Variants in TCFL5 observed in about 807,000 individuals in gnomAD.
TCFL5 encodes transcription factor like 5, also known as transcription factor-like 5 protein.
A neutral mutation model predicts 44.3 loss-of-function variants in TCFL5; 9 were observed. That is an observed-to-expected ratio of 0.20 (90% CI 0.12 to 0.35). The LOEUF is 0.35. TCFL5 is among the 10% of genes least tolerant of loss of function. The probability of loss-of-function intolerance (pLI) is 1.00; values close to 1 mark genes in which losing one functional copy is unlikely to be tolerated. For missense variants in TCFL5, 603 were observed against 613.4 expected (o/e 0.98, Z 0.18); for synonymous variants, 319 against 271.6 (o/e 1.17, Z -1.72).
chr20:62,861,358 C>A lies in TCFL5; in HGVS notation c.313G>T (p.Val105Leu), dbSNP rs748056548. 4 of 1,066,244 alleles carry A rather than the reference C, an allele frequency of 3.8e-6. No individual in the cohort carries two copies. The highest frequency in any genetic ancestry group is 4.1e-5 in the South Asian group (1 of 24,612). 66.0% of individuals were successfully genotyped at this position (1,066,244 alleles called of 1,614,324 possible). A position where few individuals can be genotyped will look rare whatever the true frequency, so the allele number is the denominator to read the frequency against. Residue 105 changes from valine to leucine, a missense_variant, in exon 1 of 6, where the codon GTG becomes TTG. Around this residue, in one of 4 missense-constraint regions of TCFL5, gnomAD observed 540 missense variants for 478.7 expected, o/e 1.13. Coordinates refer to ENST00000335351, the MANE Select transcript of TCFL5 (RefSeq NM_006602.4). This position sits in a 1 kb window ranked among gnomAD's most constrained non-coding sequence, Gnocchi z 4.0. ...AAGGQGGAAP[V>L]YPVLCPSALA... ...GCGGACGGGCACAGCACGGGGTACA[C>A]GGGCGCCGCGCCCCCCTGACCGCCC...
chr20:62,861,007 G>A lies in TCFL5; in HGVS notation c.647+17C>T, dbSNP rs1195920352. 6.0e-6 allele frequency: 6 copies of A among 992,592 alleles called. No homozygotes were observed. Among genetic ancestry groups the A allele is most frequent in the Admixed American group, 6.1e-5 (1 of 16,338 alleles). The allele number at this position is 992,592 out of a possible 1,614,324, so 61.5% of individuals were successfully genotyped here. ...CTCCACCCGGGCCCCGCCAGCCCCC[G>A]GCCGCCGGGCACGCACTTGTTGAGC... On this transcript the variant is annotated intron_variant, in intron 1 of 5. Coordinates refer to ENST00000335351, the MANE Select transcript of TCFL5 (RefSeq NM_006602.4). The surrounding 1 kb of genome is among the most constrained non-coding windows in gnomAD (Gnocchi z 4.0).
chr20:62,861,033 G>C lies in TCFL5; in HGVS notation c.638C>G (p.Ala213Gly). ...GCCGCCGGGCACGCACTTGTTGAGC[G>C]CCCCGCCCGGCTCGGGGGGCTCGGG... is the stretch of plus-strand genomic sequence containing the variant. ...RGPEPPEPGGALNNLVTLIRH... is the reference protein window; with the variant it reads ...RGPEPPEPGGGLNNLVTLIRH... Residue 213 changes from alanine (A) to glycine (G), a missense_variant, in exon 1 of 6, where the codon GCG (alanine) becomes GGG (glycine). Ala to Gly is a moderately conservative substitution (Grantham distance 60, BLOSUM62 0). Transcript: ENST00000335351. The surrounding 1 kb of genome is among the most constrained non-coding windows in gnomAD (Gnocchi z 4.0). 1.0e-6 allele frequency: 1 copy of C among 994,304 alleles called. No individual in the cohort carries two copies. Among genetic ancestry groups the C allele is most frequent in the Non-Finnish European group, 1.2e-6 (1 of 837,024 alleles). The allele number at this position is 994,304 out of a possible 1,614,324, so 61.6% of individuals were successfully genotyped here. A position where few individuals can be genotyped will look rare whatever the true frequency, so the allele number is the denominator to read the frequency against.
chr20:62,857,634 T>C lies in TCFL5; in HGVS notation c.999A>G (p.Ala333=), dbSNP rs775832580. ...PEQVWIKVGE[A]ALCKQALKRN... ...TCTTCAGTGCTTGTTTGCATAGCGCTGCTTCTTTGCGAAAGAAGAAAAAAG... is the reference window on the plus strand; with the variant it reads ...TCTTCAGTGCTTGTTTGCATAGCGCCGCTTCTTTGCGAAAGAAGAAAAAAG... Residue 333 remains alanine (A), a synonymous_variant, in exon 4 of 6, where the codon GCA becomes GCG. Coordinates refer to ENST00000335351, the MANE Select transcript of TCFL5 (RefSeq NM_006602.4). 3.1e-6 allele frequency: 5 copies of C among 1,608,180 alleles called. No homozygotes were observed. The highest frequency in any genetic ancestry group is 4.3e-6 in the Non-Finnish European group (5 of 1,176,432).
intron 4 of TCFL5, among the ~76,000 whole-genome samples, chr20:62,855,907 C>T (rs989149535): frequency 2.6e-5 from 4 of 152,038 alleles, no homozygotes; most frequent in Non-Finnish European, 5.9e-5. Context: ...TACCAGTACT[C>T]GATACATTAT....
At chr20:62,843,486 G>C (rs1568772972) in intron 5 of TCFL5, among the ~76,000 whole-genome samples, 2 of 152,212 alleles carry the variant, frequency 1.3e-5, no homozygotes, top group Non-Finnish European at 1.5e-5. Context: ...AACTGAGTTA[G>C]AGGGACCTGG....
chr20:62,859,370 C>G lies in TCFL5; in HGVS notation c.988G>C (p.Val330Leu), dbSNP rs1337960440. Residue 330 changes from valine (V) to leucine (L), a missense_variant, in exon 3 of 6, where the codon GTG (valine) becomes CTG (leucine). Physicochemically the swap from Val to Leu is conservative, Grantham distance 32. Around this residue, in one of 4 missense-constraint regions of TCFL5, gnomAD observed 540 missense variants for 478.7 expected, o/e 1.13. Transcript: ENST00000335351. ...CTGCTGCTTCATCGCTTACCTCCCACTTTAATCCAAACTTGCTCAGGCAAA... is the reference window on the plus strand; with the variant it reads ...CTGCTGCTTCATCGCTTACCTCCCAGTTTAATCCAAACTTGCTCAGGCAAA... ...KVLPEQVWIKVGEAALCKQAL... is the reference protein window; with the variant it reads ...KVLPEQVWIKLGEAALCKQAL... 6.2e-7 allele frequency: 1 copy of G among 1,605,846 alleles called. No homozygotes were observed. The highest frequency in any genetic ancestry group is 1.3e-5 in the African/African-American group (1 of 74,772).
chr20:62,850,142 G>A (rs2063789244), intron 5 of TCFL5, among the ~76,000 whole-genome samples: 1 of 152,096 alleles, frequency 6.6e-6, no homozygotes, highest in Non-Finnish European at 1.5e-5. Context: ...GATTTATGTA[G>A]AAATATTTAG....
In TCFL5 at chr20:62,841,806, A is replaced by G; in HGVS notation, c.*169T>C. On this transcript the variant is annotated 3_prime_UTR_variant, in exon 6 of 6. Coordinates refer to ENST00000335351, the MANE Select transcript of TCFL5 (RefSeq NM_006602.4). ...TTCATGGATAAGCATTTGCGTCTAG[A>G]TAAATATTTTTACAAAATGTGCTCT... The G allele has an allele frequency of 1.3e-6, 1 of 752,042 alleles. No individual in the cohort carries two copies. The highest frequency in any genetic ancestry group is 3.0e-5 in the East Asian group (1 of 33,002). The allele number at this position is 752,042 out of a possible 1,614,324, so 46.6% of individuals were successfully genotyped here. A position where few individuals can be genotyped will look rare whatever the true frequency, so the allele number is the denominator to read the frequency against.
chr20:62,852,904 C>CA (rs1344242490), intron 5 of TCFL5: 2 of 1,289,514 alleles, frequency 1.6e-6, no homozygotes, highest in African/African-American at 3.0e-5. Context: ...GAAGTACATT[C>CA]ACCCAGTCAG....
intron 5 of TCFL5, chr20:62,851,814 G>A (rs1025034388): frequency 1.0e-6 from 1 of 985,222 alleles, no homozygotes; most frequent in Non-Finnish European, 1.2e-6. Flanking sequence ...CGTAGACACA[G>A]GAGCCCTTCT....
rs544395712 is a variant in TCFL5 at position 62,842,395 on chromosome 20, G to A, written c.1381-298C>T. Among the ~76,000 whole-genome samples the A allele has an allele frequency of 6.6e-6, 1 of 152,126 alleles. No homozygotes were observed. The highest frequency in any genetic ancestry group is 6.5e-5 in the Admixed American group (1 of 15,268). On this transcript the variant is annotated intron_variant, in intron 5 of 5. Coordinates refer to ENST00000335351, the MANE Select transcript of TCFL5 (RefSeq NM_006602.4). This position sits in a 1 kb window ranked among gnomAD's most constrained non-coding sequence, Gnocchi z 4.3. The stretch of plus-strand genomic sequence containing the variant: ...GTGGTAAAATATACATGACATGAAC[G>A]TTTCAACCGCTAATGGGCCCTAGCT...
Position 62,859,358 on chromosome 20 carries a change from G to T in TCFL5, c.994+6C>A. On this transcript the variant is annotated splice_donor_region_variant and intron_variant, in intron 3 of 5. Coordinates refer to ENST00000335351, the MANE Select transcript of TCFL5 (RefSeq NM_006602.4). Reference sequence around the variant, plus strand: ...AGCTCCCACTACCTGCTGCTTCATCGCTTACCTCCCACTTTAATCCAAACT... The same window carrying T: ...AGCTCCCACTACCTGCTGCTTCATCTCTTACCTCCCACTTTAATCCAAACT... 1 of 1,600,920 alleles carries T rather than the reference G, an allele frequency of 6.2e-7. No individual in the cohort carries two copies. Among genetic ancestry groups the T allele is most frequent in the Non-Finnish European group, 8.5e-7 (1 of 1,171,072 alleles).
In TCFL5 at chr20:62,861,430, G is replaced by C. The variant is rs2064006893; in HGVS notation, c.241C>G (p.Leu81Val). 8.7e-7 allele frequency: 1 copy of C among 1,154,854 alleles called. No homozygotes were observed. The allele number at this position is 1,154,854 out of a possible 1,614,324, so 71.5% of individuals were successfully genotyped here. A position where few individuals can be genotyped will look rare whatever the true frequency, so the allele number is the denominator to read the frequency against. ...GELETRLNSA[L>V]LAAAGPGAGA... is the part of the protein sequence containing the mutation. ...GCGCCCGGGCCCGCCGCCGCCAGCA[G>C]CGCCGAGTTGAGGCGCGTCTCGAGC... The change falls in exon 1 of 6, where the codon CTG (leucine) becomes GTG (valine). Residue 81 changes from leucine to valine, a missense_variant. Physicochemically the swap from Leu to Val is conservative, Grantham distance 32 (BLOSUM62 1). Around this residue, in one of 4 missense-constraint regions of TCFL5, gnomAD observed 540 missense variants for 478.7 expected, o/e 1.13. Transcript: ENST00000335351. The surrounding 1 kb of genome is among the most constrained non-coding windows in gnomAD (Gnocchi z 4.0).
chr20:62,844,603 A>G (rs2063719206), intron 5 of TCFL5, among the ~76,000 whole-genome samples: 1 of 138,514 alleles, frequency 7.2e-6, no homozygotes, highest in Admixed American at 7.3e-5. Flanking sequence ...TTTGAGACCG[A>G]GTCTCACTCT....
rs368146242 is a variant in TCFL5, at chr20:62,842,115, C to T, written c.1381-18G>A. ...TCAAATTCCTGCAGTGAAGAAGTGA[C>T]GGTTAACATACTGAATTAACTGACA... On this transcript the variant is annotated intron_variant, in intron 5 of 5. Transcript: ENST00000335351. This position sits in a 1 kb window ranked among gnomAD's most constrained non-coding sequence, Gnocchi z 4.3. 2.1e-5 allele frequency: 34 copies of T among 1,613,568 alleles called. No homozygotes were observed. The highest frequency in any genetic ancestry group is 1.3e-4 in the East Asian group (6 of 44,888).
rs2064004064 is a variant in TCFL5 at position 62,861,367 on chromosome 20, C to T, written c.304G>A (p.Ala102Thr). The T allele has an allele frequency of 2.8e-6, 3 of 1,066,488 alleles. No individual in the cohort carries two copies. Among genetic ancestry groups the T allele is most frequent in the South Asian group, 4.2e-5 (1 of 23,718 alleles). 66.1% of individuals were successfully genotyped at this position (1,066,488 alleles called of 1,614,324 possible). The change falls in exon 1 of 6, where the codon GCG (alanine) becomes ACG (threonine). Residue 102 changes from alanine (A) to threonine (T), a missense_variant. Physicochemically the swap from Ala to Thr is moderately conservative, Grantham distance 58. This residue lies in a region of TCFL5 where 540 missense variants were observed against 478.7 expected (regional missense o/e 1.13). Coordinates refer to ENST00000335351, the MANE Select transcript of TCFL5 (RefSeq NM_006602.4). The surrounding 1 kb of genome is among the most constrained non-coding windows in gnomAD (Gnocchi z 4.0). ...GGFAAGGQGG[A>T]APVYPVLCPS... The stretch of plus-strand genomic sequence containing the variant: ...CACAGCACGGGGTACACGGGCGCCG[C>T]GCCCCCCTGACCGCCCGCCGCGAAG...
At chr20:62,859,977 G>C in intron 2 of TCFL5, 148 bp downstream of exon 2, 1 of 756,304 alleles carries the variant, frequency 1.3e-6, no homozygotes, top group African/African-American at 1.8e-5. Flanking sequence ...CCAAAGTGCT[G>C]GGATTACAGG....
chr20:62,861,247 T>C lies in TCFL5; in HGVS notation c.424A>G (p.Lys142Glu). 1 of 1,188,908 alleles carries C rather than the reference T, an allele frequency of 8.4e-7. No homozygotes were observed. Among genetic ancestry groups the C allele is most frequent in the Non-Finnish European group, 1.1e-6 (1 of 942,944 alleles). The allele number at this position is 1,188,908 out of a possible 1,614,324, so 73.6% of individuals were successfully genotyped here. A position where few individuals can be genotyped will look rare whatever the true frequency, so the allele number is the denominator to read the frequency against. Reference protein sequence around the residue: ...MLLSEAGAAEKTSGGGDGARA... With the variant: ...MLLSEAGAAEETSGGGDGARA... ...GCTCCGTCCCCGCCGCCCGACGTCT[T>C]CTCCGCCGCGCCCGCCTCGCTTAGC... Residue 142 changes from lysine (K) to glutamate (E), a missense_variant, in exon 1 of 6, where the codon AAG becomes GAG. Around this residue, in one of 4 missense-constraint regions of TCFL5, gnomAD observed 540 missense variants for 478.7 expected, o/e 1.13. Coordinates refer to ENST00000335351, the MANE Select transcript of TCFL5 (RefSeq NM_006602.4). This position sits in a 1 kb window ranked among gnomAD's most constrained non-coding sequence, Gnocchi z 4.0.
Position 62,861,081 on chromosome 20 carries a change from T to A in TCFL5, c.590A>T (p.Glu197Val), listed in dbSNP as rs916056535. The change falls in exon 1 of 6, where the codon GAG becomes GTG. Residue 197 changes from glutamate (E) to valine (V), a missense_variant. Around this residue, in one of 4 missense-constraint regions of TCFL5, gnomAD observed 540 missense variants for 478.7 expected, o/e 1.13. Coordinates refer to ENST00000335351, the MANE Select transcript of TCFL5 (RefSeq NM_006602.4). The surrounding 1 kb of genome is among the most constrained non-coding windows in gnomAD (Gnocchi z 4.0). ...LEDRFNSIPA[E>V]PPPAPRGPEP... ...GGGGCCGCGCGGCGCGGGCGGCGGC[T>A]CGGCGGGGATGCTGTTGAAGCGGTC... is the stretch of plus-strand genomic sequence containing the variant. 1 of 995,510 alleles carries A rather than the reference T, an allele frequency of 1.0e-6. No individual in the cohort carries two copies. The highest frequency in any genetic ancestry group is 1.2e-6 in the Non-Finnish European group (1 of 838,868). The allele number at this position is 995,510 out of a possible 1,614,324, so 61.7% of individuals were successfully genotyped here. A position where few individuals can be genotyped will look rare whatever the true frequency, so the allele number is the denominator to read the frequency against.
Sources: allele counts gnomAD v4.1 joint callset (sites outside exome capture counted in the v4.1 genomes callset), GRCh38; gene constraint gnomAD v4.1.1; regional missense constraint gnomAD v4.1.1; non-coding constraint Gnocchi (gnomAD v3.1); transcripts MANE v1.5; gene names NCBI Gene and HGNC (gene_info 2026-07-23, HGNC 2026-07-21).